Variants in SPAG16 observed in about 807,000 individuals in gnomAD.
The protein encoded by SPAG16 is sperm-associated antigen 16 protein.
Under a neutral mutation model 80.4 loss-of-function variants are expected in SPAG16, and 86 were observed. That is an observed-to-expected ratio of 1.07 (90% confidence interval 0.90 to 1.28). The LOEUF (loss-of-function observed/expected upper bound fraction) is 1.28. SPAG16 is among the 50% of genes most tolerant of loss of function. SPAG16 has a pLI of 0.00. For synonymous variants in SPAG16, 294 were observed against 265.9 expected (o/e 1.11, Z -1.03); for missense variants, 870 against 765.3 (o/e 1.14, Z -1.61).
chr2:213,720,470 A>AG (rs2066465899), intron 10 of SPAG16, among the ~76,000 whole-genome samples: 9 of 29,510 alleles, frequency 3.0e-4, no homozygotes, highest in Admixed American at 1.8e-3. Context: ...TACTAAAAAT[A>AG]CAAAAAAAAA....
At chr2:213,930,178 G>A in intron 12 of SPAG16, 33 bp downstream of exon 12, 1 of 1,532,872 alleles carries the variant, frequency 6.5e-7, no homozygotes. Flanking sequence ...CTAATCCTCT[G>A]TGCTGATACA....
intron 10 of SPAG16, among the ~76,000 whole-genome samples, chr2:213,739,939 T>C (rs1350117826): frequency 1.3e-5 from 2 of 152,148 alleles, no homozygotes; most frequent in African/African-American, 2.4e-5. Context: ...TAAATATAAA[T>C]ATAACTTGTA....
intron 13 of SPAG16, among the ~76,000 whole-genome samples, chr2:214,093,614 T>C (rs2052376728): frequency 6.6e-6 from 1 of 152,048 alleles, no homozygotes; most frequent in South Asian, 2.1e-4. Context: ...TGTTTGTGTA[T>C]GTATATGTGT....
At chr2:213,322,936 AG>A (rs1168090256) in intron 5 of SPAG16, among the ~76,000 whole-genome samples, 4 of 152,156 alleles carry the variant, frequency 2.6e-5, no homozygotes, top group African/African-American at 7.2e-5. Flanking sequence ...AGGAGGCTAT[AG>A]TGGCTCTAAC....
In SPAG16 at chr2:214,170,167, G is replaced by A. The variant is rs1007064548; in HGVS notation, c.1720+20901G>A. ...CATTAAAAAAATGCCTTTTGTGGGAGAGGGATACACATACACTTAGGTGTG... is the reference window on the plus strand; with the variant it reads ...CATTAAAAAAATGCCTTTTGTGGGAAAGGGATACACATACACTTAGGTGTG... On this transcript the variant is annotated intron_variant, in intron 15 of 15. Transcript: ENST00000331683. Among the ~76,000 whole-genome samples, 3 of 131,908 alleles carry A rather than the reference G, an allele frequency of 2.3e-5. No individual in the cohort carries two copies. The East Asian group carries it at 8.1e-4, about 36-fold the overall frequency. The allele number at this position is 131,908 out of a possible 152,430, so 86.5% of individuals were successfully genotyped here.
At chr2:214,083,659 C>A (rs187638013) in intron 13 of SPAG16, among the ~76,000 whole-genome samples, 3 of 152,170 alleles carry the variant, frequency 2.0e-5, no homozygotes, top group Admixed American at 1.3e-4. Context: ...GGGGATCTGT[C>A]CCCCAACAAC....
At chr2:213,717,160 T>C (rs1439770754) in intron 10 of SPAG16, among the ~76,000 whole-genome samples, 2 of 151,058 alleles carry the variant, frequency 1.3e-5, no homozygotes, top group Non-Finnish European at 3.0e-5. Context: ...CTTTTCATTT[T>C]TTTTTTTTTT....
chr2:213,484,070 C>CT lies in SPAG16; in HGVS notation c.943-5885dup, dbSNP rs548724270. 7.9e-5 allele frequency among the ~76,000 whole-genome samples: 12 copies of CT among 151,154 alleles called. No individual in the cohort carries two copies. In the South Asian group the frequency reaches 1.0e-3, roughly 13 times the overall value. ...TAAGTGAATGTTTATGGTTGTACAT[C>CT]TTTTTTTTCATTTTATGGCTTCAGC... On this transcript the variant is annotated intron_variant, in intron 9 of 15. Transcript: ENST00000331683.
chr2:213,870,844 G>T (rs752921684), intron 11 of SPAG16, among the ~76,000 whole-genome samples: 10 of 152,194 alleles, frequency 6.6e-5, no homozygotes, highest in Non-Finnish European at 1.2e-4. Context: ...AAAACCCATA[G>T]GAATGCTATA....
chr2:214,180,991 A>G (rs964074316), intron 15 of SPAG16, among the ~76,000 whole-genome samples: 1 of 151,756 alleles, frequency 6.6e-6, no homozygotes, highest in African/African-American at 2.4e-5. Context: ...TTTAGTTTTC[A>G]GTTTTATTAA....
intron 12 of SPAG16, among the ~76,000 whole-genome samples, chr2:213,950,897 G>A (rs1300660988): frequency 6.6e-6 from 1 of 151,566 alleles, no homozygotes; most frequent in Admixed American, 6.6e-5. Flanking sequence ...CTTGAAGGTA[G>A]AGACAGTGTC....
At chr2:213,719,312 C>A (rs537855880) in intron 10 of SPAG16, among the ~76,000 whole-genome samples, 1 of 151,366 alleles carries the variant, frequency 6.6e-6, no homozygotes, top group South Asian at 2.1e-4. Flanking sequence ...GTATCTAGCT[C>A]AAGGTTTGTA....
At chr2:213,595,411 A>G (rs1023783623) in intron 10 of SPAG16, among the ~76,000 whole-genome samples, 1 of 152,200 alleles carries the variant, frequency 6.6e-6, no homozygotes, top group African/African-American at 2.4e-5. Context: ...ACAAAGACAC[A>G]TAGGCAGGTA....
rs535738973 is a variant in SPAG16, at chr2:213,733,290, T to A, written c.1071-129195T>A. 1.4e-4 allele frequency among the ~76,000 whole-genome samples: 21 copies of A among 151,682 alleles called. No homozygotes were observed. The South Asian group carries it at 4.5e-3, about 32-fold the overall frequency. ...TTAGACCTTTGTCAGATGGATAGACTGCAGAAATTTTCTCTCATTCTGTAG... is the reference window on the plus strand; with the variant it reads ...TTAGACCTTTGTCAGATGGATAGACAGCAGAAATTTTCTCTCATTCTGTAG... On this transcript the variant is annotated intron_variant, in intron 10 of 15. Coordinates refer to ENST00000331683, the MANE Select transcript of SPAG16 (RefSeq NM_024532.5).
At chr2:213,322,964 G>A (rs1433536604) in intron 5 of SPAG16, among the ~76,000 whole-genome samples, 2 of 152,154 alleles carry the variant, frequency 1.3e-5, no homozygotes, top group African/African-American at 4.8e-5. Flanking sequence ...GTTAGTGGTA[G>A]AGGCCTTTGC....
intron 15 of SPAG16, among the ~76,000 whole-genome samples, chr2:214,170,563 C>T (rs1292357551): frequency 6.6e-6 from 1 of 151,968 alleles, no homozygotes; most frequent in Non-Finnish European, 1.5e-5. Flanking sequence ...TACTTTCATT[C>T]AGAGAAGATA....
intron 9 of SPAG16, among the ~76,000 whole-genome samples, chr2:213,460,956 T>A (rs1000811821): frequency 6.6e-6 from 1 of 152,150 alleles, no homozygotes; most frequent in African/African-American, 2.4e-5. Flanking sequence ...TATTTATACA[T>A]GAATATAAAA....
intron 11 of SPAG16, among the ~76,000 whole-genome samples, chr2:213,871,641 T>C (rs2075949842): frequency 6.6e-6 from 1 of 152,018 alleles, no homozygotes; most frequent in Non-Finnish European, 1.5e-5. Context: ...TAAGGCTAAG[T>C]TGTAAACTTC....
chr2:214,202,669 G>A (rs533420261), intron 15 of SPAG16, among the ~76,000 whole-genome samples: 124 of 152,262 alleles, frequency 8.1e-4, no homozygotes, highest in Non-Finnish European at 1.6e-3. Context: ...GCAGTTTTAA[G>A]AAGGAAGTTG....
Sources: gnomAD v4.1 joint callset for allele counts (sites outside exome capture counted in the v4.1 genomes callset) on GRCh38, gnomAD v4.1.1 for gene constraint, MANE v1.5 for transcripts, NCBI Gene and HGNC (gene_info 2026-07-23, HGNC 2026-07-21) for gene names.